BABAM2: variants seen among roughly 807,000 people sequenced by gnomAD.
The protein encoded by BABAM2 is BRISC and BRCA1-A complex member 2.
BABAM2 carries 31 observed loss-of-function variants against 54.7 expected under a neutral mutation model. The ratio of observed to expected loss-of-function variants is 0.57; its 90% confidence interval spans 0.43 to 0.77. The LOEUF (loss-of-function observed/expected upper bound fraction) is 0.77. Among genes scored for constraint, BABAM2 ranks in the 30% least tolerant of loss-of-function variants. BABAM2 has a pLI of 0.00. For missense variants in BABAM2, 364 were observed against 455.8 expected (o/e 0.80, Z 1.83); for synonymous variants, 167 against 162.9 (o/e 1.03, Z -0.19).
At chr2:28,215,567 G>C (rs535839280) in intron 7 of BABAM2, among the ~76,000 whole-genome samples, 2 of 152,144 alleles carry the variant, frequency 1.3e-5, no homozygotes, top group African/African-American at 4.8e-5. Flanking sequence ...CAAACATCTC[G>C]TTGTTTGAAT....
chr2:28,203,000 T>A (rs559239506), intron 7 of BABAM2, among the ~76,000 whole-genome samples: 3 of 152,196 alleles, frequency 2.0e-5, no homozygotes, highest in African/African-American at 7.2e-5. Flanking sequence ...GATGAATCAT[T>A]ATGGGGGCAC....
intron 4 of BABAM2, among the ~76,000 whole-genome samples, chr2:28,003,543 T>C (rs1673728722): frequency 6.6e-6 from 1 of 152,076 alleles, no homozygotes; most frequent in South Asian, 2.1e-4. Context: ...TGAGCTGAGA[T>C]TGTACCACAG....
chr2:28,163,642 C>G (rs149276921), intron 7 of BABAM2, among the ~76,000 whole-genome samples: 121 of 152,258 alleles, frequency 7.9e-4, no homozygotes, highest in African/African-American at 2.8e-3. Flanking sequence ...GATGATAGAG[C>G]AAGAGAAGTT....
At chr2:28,251,023 G>T (rs1009164733) in intron 10 of BABAM2, among the ~76,000 whole-genome samples, 1 of 152,194 alleles carries the variant, frequency 6.6e-6, no homozygotes, top group African/African-American at 2.4e-5. Context: ...TAGGATTGGG[G>T]CTGGGGTGGC....
chr2:28,057,133 T>C (rs1433426689), intron 6 of BABAM2, among the ~76,000 whole-genome samples: 3 of 152,148 alleles, frequency 2.0e-5, no homozygotes, highest in Admixed American at 6.5e-5. Flanking sequence ...CTTTAGGGAG[T>C]GTTCCAGATT....
At chr2:28,036,506 G>A (rs1268740257) in intron 5 of BABAM2, among the ~76,000 whole-genome samples, 1 of 152,156 alleles carries the variant, frequency 6.6e-6, no homozygotes, top group Admixed American at 6.5e-5. Context: ...TAGTACTGAG[G>A]GAGTGAGATT....
chr2:28,209,496 T>C (rs1679228359), intron 7 of BABAM2, among the ~76,000 whole-genome samples: 2 of 152,228 alleles, frequency 1.3e-5, no homozygotes, highest in African/African-American at 2.4e-5. Flanking sequence ...ACAGTAATAA[T>C]TTTTATATTT....
intron 11 of BABAM2, among the ~76,000 whole-genome samples, chr2:28,313,981 AGTTTTGCATTAT>A (rs1689299041): frequency 6.6e-6 from 1 of 152,156 alleles, no homozygotes; most frequent in East Asian, 1.9e-4. Context: ...AGAAAACCCC[AGTTTTGCATTAT>A]TGATCATTTG....
At chr2:28,154,079 CAT>C (rs1207752432) in intron 7 of BABAM2, among the ~76,000 whole-genome samples, 1 of 152,176 alleles carries the variant, frequency 6.6e-6, no homozygotes, top group Non-Finnish European at 1.5e-5. Context: ...AATAGACTGA[CAT>C]GTGATGCTTG....
chr2:28,283,820 G>A (rs1686579195), intron 10 of BABAM2, among the ~76,000 whole-genome samples: 1 of 152,154 alleles, frequency 6.6e-6, no homozygotes, highest in African/African-American at 2.4e-5. Context: ...CATTTAGAAA[G>A]GGATAGGGGA....
chr2:28,237,397 C>G lies in BABAM2; in HGVS notation c.780+96C>G, dbSNP rs141604774. On this transcript the variant is annotated intron_variant, in intron 8 of 11. Transcript: ENST00000379624. ...TCGTGCATGCTCCATCCTTCTCGGA[C>G]CGACTGCTCAGTTTCAGCCTCCATC... is the stretch of plus-strand genomic sequence containing the variant. The G allele has an allele frequency of 2.2e-4, 240 of 1,102,420 alleles. 2 individuals carry two copies. The African/African-American group carries it at 3.1e-3, about 14-fold the overall frequency. 68.3% of individuals were successfully genotyped at this position (1,102,420 alleles called of 1,614,324 possible). A position where few individuals can be genotyped will look rare whatever the true frequency, so the allele number is the denominator to read the frequency against.
intron 7 of BABAM2, among the ~76,000 whole-genome samples, chr2:28,196,469 G>A (rs1220729362): frequency 6.6e-6 from 1 of 152,092 alleles, no homozygotes; most frequent in Non-Finnish European, 1.5e-5. Flanking sequence ...ATGTATCTGT[G>A]AGCTTGTCAC....
At chr2:28,208,073 G>T (rs938724002) in intron 7 of BABAM2, among the ~76,000 whole-genome samples, 1 of 150,414 alleles carries the variant, frequency 6.6e-6, no homozygotes, top group Middle Eastern at 3.4e-3. Context: ...GTGTACACAT[G>T]CGCACACACT....
chr2:27,913,225 C>T (rs1666733541), intron 2 of BABAM2, among the ~76,000 whole-genome samples: 1 of 152,146 alleles, frequency 6.6e-6, no homozygotes. Context: ...TATTCTTACA[C>T]ATTGCTGTAA....
intron 6 of BABAM2, among the ~76,000 whole-genome samples, chr2:28,054,954 G>T (rs1351149584): frequency 6.6e-6 from 1 of 152,134 alleles, no homozygotes; most frequent in African/African-American, 2.4e-5. Flanking sequence ...GTATTTCAAA[G>T]TATTGAATTT....
intron 3 of BABAM2, among the ~76,000 whole-genome samples, chr2:27,957,278 C>T (rs1168923293): frequency 6.6e-6 from 1 of 152,142 alleles, no homozygotes; most frequent in Non-Finnish European, 1.5e-5. Context: ...TTAATTCATT[C>T]ATCTATGCAC....
At chr2:28,259,665 C>T (rs983185524) in intron 10 of BABAM2, among the ~76,000 whole-genome samples, 6 of 152,064 alleles carry the variant, frequency 3.9e-5, no homozygotes, top group South Asian at 2.1e-4. Flanking sequence ...CTTGCCTAAC[C>T]GAGTTCACAA....
chr2:28,087,841 G>A (rs1311148632), intron 6 of BABAM2, among the ~76,000 whole-genome samples: 1 of 152,040 alleles, frequency 6.6e-6, no homozygotes, highest in African/African-American at 2.4e-5. Flanking sequence ...GTAGAGACAG[G>A]GTTTCACCAT....
At chr2:28,061,967 C>T (rs1465325569) in intron 6 of BABAM2, among the ~76,000 whole-genome samples, 1 of 151,708 alleles carries the variant, frequency 6.6e-6, no homozygotes, top group East Asian at 1.9e-4. Flanking sequence ...TAAACATTTC[C>T]AGGATTGTTG....
Sources: allele counts gnomAD v4.1 joint callset (sites outside exome capture counted in the v4.1 genomes callset), GRCh38; gene constraint gnomAD v4.1.1; transcripts MANE v1.5; gene names NCBI Gene and HGNC (gene_info 2026-07-23, HGNC 2026-07-21).